Variants in PIK3CB observed in about 807,000 individuals in gnomAD.
PIK3CB encodes phosphatidylinositol-4,5-bisphosphate 3-kinase catalytic subunit beta, also known as phosphatidylinositol 4,5-bisphosphate 3-kinase catalytic subunit beta isoform.
A neutral mutation model predicts 136.8 loss-of-function variants in PIK3CB; 39 were observed. That is an observed-to-expected ratio of 0.29 (90% CI 0.22 to 0.37). The LOEUF is 0.37. Among genes scored for constraint, PIK3CB ranks in the 10% least tolerant of loss-of-function variants. PIK3CB has a pLI of 1.00. For synonymous variants in PIK3CB, 428 were observed against 436.6 expected, an observed-to-expected ratio of 0.98 and a Z score of 0.25; for missense variants, 868 against 1,275.4, an observed-to-expected ratio of 0.68 and a Z score of 4.87.
At chr3:138,732,779 G>C (rs1011657592) in intron 8 of PIK3CB, among the ~76,000 whole-genome samples, 54 of 149,950 alleles carry the variant, frequency 3.6e-4, no homozygotes, top group Middle Eastern at 3.6e-3. Flanking sequence ...GCAAGGCTGA[G>C]AGAGGAGAGT....
chr3:138,794,405 G>A (rs556766815), intron 2 of PIK3CB, among the ~76,000 whole-genome samples: 7 of 152,344 alleles, frequency 4.6e-5, no homozygotes, highest in African/African-American at 1.4e-4. Context: ...ACCAGAGACG[G>A]TGGAGAAATT....
chr3:138,785,078 C>T (rs2045962679), intron 2 of PIK3CB, among the ~76,000 whole-genome samples: 1 of 152,084 alleles, frequency 6.6e-6, no homozygotes, highest in Admixed American at 6.5e-5. Flanking sequence ...CTCTGCCCAG[C>T]AGCCGCCCTG....
chr3:138,755,944 G>A lies in PIK3CB; in HGVS notation c.207C>T (p.Phe69=). ...LWKQVHNYPM[F]NLLMDIDSYM... ...AGGAGTCAATATCCATAAGGAGGTT[G>A]AACATTGGGTAATTGTGAACTTGCT... The change falls in exon 4 of 24, where the codon TTC becomes TTT. Residue 69 remains phenylalanine, a synonymous_variant. Transcript: ENST00000674063. 6.2e-7 allele frequency: 1 copy of A among 1,609,590 alleles called. No individual in the cohort carries two copies. The highest frequency in any genetic ancestry group is 8.5e-7 in the Non-Finnish European group (1 of 1,176,824).
At chr3:138,802,217 T>C (rs1197852679) in intron 1 of PIK3CB, among the ~76,000 whole-genome samples, 2 of 22,174 alleles carry the variant, frequency 9.0e-5, no homozygotes, top group Admixed American at 8.5e-4. Flanking sequence ...CTACTAAAAA[T>C]ACAAAAAAAA....
chr3:138,703,097 A>G (rs963459796), intron 12 of PIK3CB, among the ~76,000 whole-genome samples: 5 of 152,246 alleles, frequency 3.3e-5, no homozygotes, highest in Non-Finnish European at 4.4e-5. Flanking sequence ...TTTGGCTATT[A>G]TGGTCCCAAA....
At chr3:138,723,541 C>A (rs940839673) in intron 8 of PIK3CB, among the ~76,000 whole-genome samples, 1 of 152,088 alleles carries the variant, frequency 6.6e-6, no homozygotes, top group Non-Finnish European at 1.5e-5. Context: ...CAGAGCGAGA[C>A]CCCGTCTCAA....
intron 3 of PIK3CB, among the ~76,000 whole-genome samples, chr3:138,756,465 T>C (rs1012930960): frequency 6.6e-6 from 1 of 152,190 alleles, no homozygotes; most frequent in African/African-American, 2.4e-5. Context: ...ACCACCTCCA[T>C]ACAATATTTA....
chr3:138,790,184 A>T (rs1320936772), intron 2 of PIK3CB, among the ~76,000 whole-genome samples: 1 of 152,178 alleles, frequency 6.6e-6, no homozygotes, highest in Admixed American at 6.6e-5. Flanking sequence ...GGGACTAAAG[A>T]AGAGGGGGCA....
At position 138,665,113 on chromosome 3, in the gene PIK3CB, C is replaced by A; in HGVS notation, c.2595G>T (p.Leu865=). Residue 865 remains leucine, a synonymous_variant, in exon 20 of 24, where the codon CTG becomes CTT. Transcript: ENST00000674063. Reference sequence around the variant, plus strand: ...CTGCAGCAGCCACATTGCTACTGTTCAGCTGAATGTCAGCAATTGTTTCAG... The same window carrying A: ...CTGCAGCAGCCACATTGCTACTGTTAAGCTGAATGTCAGCAATTGTTTCAG... ...STSETIADIQ[L]NSSNVAAAAA... is the part of the protein sequence containing the mutation. The A allele has an allele frequency of 1.9e-6, 3 of 1,613,632 alleles. No homozygotes were observed. Among genetic ancestry groups the A allele is most frequent in the South Asian group, 2.2e-5 (2 of 90,982 alleles).
intron 19 of PIK3CB, 33 bp downstream of exon 19, chr3:138,681,934 T>C (rs1372877385): frequency 9.4e-6 from 13 of 1,379,792 alleles, no homozygotes; most frequent in Non-Finnish European, 1.3e-5. Flanking sequence ...GGGAAGACAT[T>C]AGACTGAAAA....
chr3:138,675,044 C>A (rs1488428549), intron 19 of PIK3CB, among the ~76,000 whole-genome samples: 1 of 151,986 alleles, frequency 6.6e-6, no homozygotes, highest in Non-Finnish European at 1.5e-5. Flanking sequence ...GGCGACAGCA[C>A]AAGACCCTAT....
intron 2 of PIK3CB, among the ~76,000 whole-genome samples, chr3:138,781,135 A>G (rs998814004): frequency 6.6e-6 from 1 of 152,086 alleles, no homozygotes; most frequent in Non-Finnish European, 1.5e-5. Context: ...ACAAAAAAAT[A>G]AACAAAATTA....
intron 2 of PIK3CB, among the ~76,000 whole-genome samples, chr3:138,771,969 A>G (rs2045806279): frequency 6.6e-6 from 1 of 152,094 alleles, no homozygotes; most frequent in South Asian, 2.1e-4. Flanking sequence ...GCCTTGAATA[A>G]CTTGGTAATT....
intron 2 of PIK3CB, 47 bp from the exon 3 acceptor site, chr3:138,759,406 T>G (rs2045630343): frequency 2.3e-6 from 3 of 1,329,674 alleles, no homozygotes; most frequent in African/African-American, 1.4e-5. Flanking sequence ...TCAGCCAAAT[T>G]TTATACCAAG....
intron 8 of PIK3CB, among the ~76,000 whole-genome samples, chr3:138,722,837 T>A (rs1270043183): frequency 6.6e-6 from 1 of 151,714 alleles, no homozygotes; most frequent in East Asian, 1.9e-4. Context: ...GGTGACAATT[T>A]AAAAAAAACA....
intron 21 of PIK3CB, 57 bp from the exon 22 acceptor site, chr3:138,657,892 AG>A (rs2043218725): frequency 6.5e-7 from 1 of 1,540,656 alleles, no homozygotes; most frequent in Admixed American, 1.8e-5. Flanking sequence ...CCAAATATAA[AG>A]GCAAAACCTC....
chr3:138,776,698 AAAACAAAC>A (rs373365770), intron 2 of PIK3CB, among the ~76,000 whole-genome samples: 30 of 151,570 alleles, frequency 2.0e-4, no homozygotes, highest in African/African-American at 3.4e-4. Flanking sequence ...CCTGTCTCAA[AAAACAAAC>A]AAACAAACAA....
chr3:138,688,576 A>C (rs2043944472), intron 16 of PIK3CB, among the ~76,000 whole-genome samples: 1 of 151,776 alleles, frequency 6.6e-6, no homozygotes, highest in African/African-American at 2.4e-5. Context: ...TTTGGGATTA[A>C]TATAGAATAT....
intron 2 of PIK3CB, among the ~76,000 whole-genome samples, chr3:138,767,580 C>T (rs550099164): frequency 2.9e-4 from 44 of 152,340 alleles, no homozygotes; most frequent in African/African-American, 9.6e-4. Context: ...ACTCGATTCA[C>T]ACTATGGGAC....
Sources: allele counts gnomAD v4.1 joint callset (sites outside exome capture counted in the v4.1 genomes callset), GRCh38; gene constraint gnomAD v4.1.1; transcripts MANE v1.5; gene names NCBI Gene and HGNC (gene_info 2026-07-23, HGNC 2026-07-21).